SORCS1: variants seen among roughly 807,000 people sequenced by gnomAD.
SORCS1 encodes the protein sortilin related VPS10 domain containing receptor 1.
SORCS1 carries 60 observed loss-of-function variants against 146.1 expected under a neutral mutation model. The observed-to-expected ratio is 0.41, with a 90% confidence interval of 0.33 to 0.51. The LOEUF is 0.51. Ranked by LOEUF, SORCS1 falls within the 20% of genes least tolerant of loss-of-function variation. The pLI is 0.21. For missense variants in SORCS1, 1,352 were observed against 1,487.6 expected, an observed-to-expected ratio of 0.91 and a Z score of 1.50; for synonymous variants, 637 against 584.0, an observed-to-expected ratio of 1.09 and a Z score of -1.31.
chr10:107,137,623 G>T (rs1967429429), intron 1 of SORCS1, among the ~76,000 whole-genome samples: 1 of 152,158 alleles, frequency 6.6e-6, no homozygotes, highest in African/African-American at 2.4e-5. Flanking sequence ...AACACTTTGC[G>T]AGGTTGAGGC....
intron 1 of SORCS1, among the ~76,000 whole-genome samples, chr10:107,036,958 G>A (rs1256235466): frequency 6.6e-6 from 1 of 152,048 alleles, no homozygotes; most frequent in African/African-American, 2.4e-5. Context: ...TTTAAATTAG[G>A]AACCAGGCTG....
chr10:106,900,318 A>C (rs1951653134), intron 2 of SORCS1, among the ~76,000 whole-genome samples: 1 of 152,044 alleles, frequency 6.6e-6, no homozygotes, highest in South Asian at 2.1e-4. Flanking sequence ...TGTTTAATAG[A>C]ATTGAAATCA....
intron 2 of SORCS1, among the ~76,000 whole-genome samples, chr10:106,892,292 G>A (rs889865573): frequency 4.6e-5 from 7 of 152,148 alleles, no homozygotes; most frequent in South Asian, 4.1e-4. Context: ...TGTCTTATTC[G>A]TAAACAACCT....
chr10:107,077,833 T>C (rs1963013881), intron 1 of SORCS1, among the ~76,000 whole-genome samples: 1 of 152,100 alleles, frequency 6.6e-6, no homozygotes, highest in Non-Finnish European at 1.5e-5. Context: ...AGAAGAGATT[T>C]AGATAAGCAT....
At chr10:106,833,516 T>C (rs1439681612) in intron 2 of SORCS1, among the ~76,000 whole-genome samples, 1 of 152,188 alleles carries the variant, frequency 6.6e-6, no homozygotes, top group Admixed American at 6.5e-5. Flanking sequence ...TGATAAATAG[T>C]TACTGCACCA....
At chr10:107,008,719 C>T (rs1185210179) in intron 1 of SORCS1, among the ~76,000 whole-genome samples, 2 of 152,066 alleles carry the variant, frequency 1.3e-5, no homozygotes, top group Admixed American at 6.5e-5. Context: ...TTATATGGGC[C>T]GGGTGCGGTG....
At chr10:106,953,506 T>C (rs559223352) in intron 2 of SORCS1, among the ~76,000 whole-genome samples, 1 of 146,512 alleles carries the variant, frequency 6.8e-6, no homozygotes, top group Non-Finnish European at 1.5e-5. Flanking sequence ...AACCCACAGA[T>C]AGGGAAGGCT....
chr10:106,911,732 C>A (rs6584768), intron 2 of SORCS1, among the ~76,000 whole-genome samples: 6,096 of 152,178 alleles, frequency 0.04, 323 homozygotes, highest in African/African-American at 0.11. Flanking sequence ...AGATTTTTCT[C>A]AATGCCAATA....
intron 1 of SORCS1, among the ~76,000 whole-genome samples, chr10:107,046,406 T>C (rs948865042): frequency 1.3e-5 from 2 of 152,124 alleles, no homozygotes; most frequent in Non-Finnish European, 2.9e-5. Context: ...ATATTTAACA[T>C]ATTTATGTTT....
chr10:107,087,807 A>T (rs1490341848), intron 1 of SORCS1, among the ~76,000 whole-genome samples: 1 of 152,208 alleles, frequency 6.6e-6, no homozygotes, highest in Non-Finnish European at 1.5e-5. Context: ...TAGGCCTCCT[A>T]ACTGTCTGCA....
chr10:106,747,095 T>G (rs2136149648), intron 5 of SORCS1, among the ~76,000 whole-genome samples: 1 of 152,354 alleles, frequency 6.6e-6, no homozygotes, highest in South Asian at 2.1e-4. Flanking sequence ...TGCCTTAAAC[T>G]TCAGCACTCA....
At chr10:106,656,346 C>T (rs922546031) in intron 17 of SORCS1, among the ~76,000 whole-genome samples, 2 of 152,186 alleles carry the variant, frequency 1.3e-5, no homozygotes, top group Non-Finnish European at 1.5e-5. Flanking sequence ...GTCAGGAGAT[C>T]GAGACCATCC....
chr10:106,968,515 A>G (rs1955618388), intron 1 of SORCS1, among the ~76,000 whole-genome samples: 1 of 152,256 alleles, frequency 6.6e-6, no homozygotes, highest in Non-Finnish European at 1.5e-5. Context: ...TAGCTTCAAC[A>G]GGAAGAAATG....
intron 5 of SORCS1, among the ~76,000 whole-genome samples, chr10:106,743,996 G>A (rs1470637996): frequency 6.6e-6 from 1 of 152,110 alleles, no homozygotes; most frequent in Non-Finnish European, 1.5e-5. Context: ...AACACACGAT[G>A]TAATATTAGA....
chr10:106,834,719 TTAAA>T (rs1399249742), intron 2 of SORCS1, among the ~76,000 whole-genome samples: 4 of 152,214 alleles, frequency 2.6e-5, no homozygotes, highest in Non-Finnish European at 2.9e-5. Flanking sequence ...AATGTGTATC[TTAAA>T]TAGTCATAAT....
chr10:106,949,849 C>T (rs1180484787), intron 2 of SORCS1, among the ~76,000 whole-genome samples: 1 of 152,170 alleles, frequency 6.6e-6, no homozygotes, highest in Non-Finnish European at 1.5e-5. Context: ...TTGTGTGCTG[C>T]TTTAAGAGAG....
At chr10:106,817,550 T>A (rs1335920845) in intron 3 of SORCS1, among the ~76,000 whole-genome samples, 3 of 152,224 alleles carry the variant, frequency 2.0e-5, no homozygotes, top group African/African-American at 7.2e-5. Context: ...GTCCAATAAG[T>A]TTAGAGAGAC....
chr10:106,618,254 C>T lies in SORCS1; in HGVS notation c.2815G>A (p.Gly939Arg), dbSNP rs780637464. The T allele has an allele frequency of 1.8e-5, 29 of 1,613,804 alleles. No individual in the cohort carries two copies. The Middle Eastern group carries it at 4.9e-4, about 27-fold the overall frequency. The change falls in exon 21 of 26, where the codon GGA becomes AGA. Residue 939 changes from glycine (G) to arginine (R), a missense_variant. Around this residue, in one of 3 missense-constraint regions of SORCS1, gnomAD observed 648 missense variants for 793.8 expected, o/e 0.82. Coordinates refer to ENST00000263054, the MANE Select transcript of SORCS1 (RefSeq NM_052918.5). ...GAAGTAAATCTGAAGGATATGCTTC[C>T]CTCCAAGGTGATCAAAGGCTAAAAT... is the stretch of plus-strand genomic sequence containing the variant. ...NNTEPLITLE[G>R]SISFRFTSEG... is the part of the protein sequence containing the mutation.
intron 2 of SORCS1, among the ~76,000 whole-genome samples, chr10:106,928,449 C>T (rs1364072537): frequency 6.6e-6 from 1 of 152,248 alleles, no homozygotes; most frequent in Non-Finnish European, 1.5e-5. Context: ...GCGCCGAGCA[C>T]AGCCCCGGTT....
Sources: gnomAD v4.1 joint callset for allele counts (sites outside exome capture counted in the v4.1 genomes callset) on GRCh38, gnomAD v4.1.1 for gene constraint, gnomAD v4.1.1 regional missense constraint, MANE v1.5 for transcripts, NCBI Gene and HGNC (gene_info 2026-07-23, HGNC 2026-07-21) for gene names.